Variants in EPHB2 observed in about 807,000 individuals in gnomAD.
The protein encoded by EPHB2 is ephrin type-B receptor 2.
EPHB2 carries 18 observed loss-of-function variants against 96.4 expected under a neutral mutation model. The observed-to-expected ratio is 0.19, with a 90% CI of 0.13 to 0.28. The LOEUF is 0.28. EPHB2 is among the 10% of genes least tolerant of loss of function. The pLI is 1.00. For missense variants in EPHB2, 989 were observed against 1,355.4 expected (o/e 0.73, Z 4.25); for synonymous variants, 506 against 534.1 (o/e 0.95, Z 0.72).
Position 22,913,352 on chromosome 1 carries a change from G to A in EPHB2, c.2853-110G>A, listed in dbSNP as rs144010015. On this transcript the variant is annotated intron_variant, in intron 15 of 15. Coordinates refer to ENST00000374630, the MANE Select transcript of EPHB2 (RefSeq NM_017449.5). This position sits in a 1 kb window ranked among gnomAD's most constrained non-coding sequence, Gnocchi z 4.1. The stretch of plus-strand genomic sequence containing the variant: ...CCCACTCCCCACTCCCCACTCCCCA[G>A]TACTCCTTGCTTTGCCATCTTCCTC... The A allele has an allele frequency of 1.7e-3, 2,478 of 1,422,674 alleles. 13 individuals carry two copies. The African/African-American group carries it at 0.022, about 13-fold the overall frequency. The allele number at this position is 1,422,674 out of a possible 1,614,324, so 88.1% of individuals were successfully genotyped here.
At chr1:22,737,907 T>C (rs1412129144) in intron 1 of EPHB2, among the ~76,000 whole-genome samples, 12 of 152,202 alleles carry the variant, frequency 7.9e-5, no homozygotes, top group Admixed American at 7.9e-4. Context: ...ATTATCATGA[T>C]GCACAGGCTG....
Position 22,913,891 on chromosome 1 carries a change from T to C in EPHB2, c.*321T>C, listed in dbSNP as rs1640195878. 1 of 1,575,214 alleles carries C rather than the reference T, an allele frequency of 6.3e-7. No individual in the cohort carries two copies. The highest frequency in any genetic ancestry group is 2.3e-5 in the East Asian group (1 of 44,414). On this transcript the variant is annotated 3_prime_UTR_variant, in exon 16 of 16. Transcript: ENST00000374630. This position sits in a 1 kb window ranked among gnomAD's most constrained non-coding sequence, Gnocchi z 4.1. ...GATAAAAAAGGGCTTGGGAGATTCA[T>C]GCGATGTGTCCAATCGGAGACAAAA...
At chr1:22,795,741 A>G (rs1644757647) in intron 3 of EPHB2, among the ~76,000 whole-genome samples, 1 of 152,196 alleles carries the variant, frequency 6.6e-6, no homozygotes, top group Admixed American at 6.5e-5. Flanking sequence ...TGACTTTCTC[A>G]GCGTCCCATA....
At chr1:22,761,251 G>GTGACA (rs1245227734) in intron 1 of EPHB2, among the ~76,000 whole-genome samples, 1 of 152,192 alleles carries the variant, frequency 6.6e-6, no homozygotes, top group Non-Finnish European at 1.5e-5. Context: ...TGTTCAAAGT[G>GTGACA]TGACAGATTA....
chr1:22,896,426 G>A lies in EPHB2; in HGVS notation c.1713G>A (p.Glu571=), dbSNP rs1182854805. 3 of 1,614,174 alleles carry A rather than the reference G, an allele frequency of 1.9e-6. No individual in the cohort carries two copies. The highest frequency in any genetic ancestry group is 1.1e-5 in the South Asian group (1 of 91,086). The change falls in exon 9 of 16, where the codon GAG becomes GAA. Residue 571 remains glutamate (E), a synonymous_variant. Transcript: ENST00000374630. ...CTTGTTCCAGAAGACGGGGGTTTGA[G>A]CGTGCTGACTCGGAGTACACGGACA... ...IAIVCNRRGF[E]RADSEYTDKL... is the part of the protein sequence containing the mutation.
intron 1 of EPHB2, 84 bp from the exon 2 acceptor site, chr1:22,781,333 AAAAG>A (rs1263784485): frequency 5.9e-5 from 77 of 1,312,036 alleles, no homozygotes; most frequent in African/African-American, 3.3e-4. Flanking sequence ...AAAAAAAAAA[AAAAG>A]AAGAAGAAGG....
Position 22,913,720 on chromosome 1 carries a change from C to G in EPHB2, c.*150C>G. On this transcript the variant is annotated 3_prime_UTR_variant, in exon 16 of 16. Coordinates refer to ENST00000374630, the MANE Select transcript of EPHB2 (RefSeq NM_017449.5). This position sits in a 1 kb window ranked among gnomAD's most constrained non-coding sequence, Gnocchi z 4.1. Reference sequence around the variant, plus strand: ...GAACCAAGCGGTGCCAGCCACGAGACGTCACCAAGAAAACATGCAACTCAA... The same window carrying G: ...GAACCAAGCGGTGCCAGCCACGAGAGGTCACCAAGAAAACATGCAACTCAA... 1 of 1,601,518 alleles carries G rather than the reference C, an allele frequency of 6.2e-7. No individual in the cohort carries two copies. The highest frequency in any genetic ancestry group is 1.3e-5 in the African/African-American group (1 of 74,438).
chr1:22,725,364 T>C (rs1217383539), intron 1 of EPHB2, among the ~76,000 whole-genome samples: 1 of 151,082 alleles, frequency 6.6e-6, no homozygotes, highest in African/African-American at 2.4e-5. Context: ...GATGGAGAGG[T>C]AGATAGATAG....
intron 9 of EPHB2, among the ~76,000 whole-genome samples, chr1:22,904,138 A>G (rs1366568279): frequency 6.6e-6 from 1 of 152,150 alleles, no homozygotes; most frequent in Non-Finnish European, 1.5e-5. Context: ...TGAAAAATAC[A>G]AAAAATAAGC....
intron 1 of EPHB2, among the ~76,000 whole-genome samples, chr1:22,747,799 G>A (rs1032396209): frequency 3.3e-5 from 5 of 152,360 alleles, no homozygotes; most frequent in African/African-American, 9.6e-5. Flanking sequence ...GCTGTAGAGC[G>A]GAGCCGGTCT....
At chr1:22,817,148 C>T (rs906945625) in intron 3 of EPHB2, among the ~76,000 whole-genome samples, 4 of 152,192 alleles carry the variant, frequency 2.6e-5, no homozygotes, top group African/African-American at 9.7e-5. Context: ...TATAACCAGG[C>T]CTGCTCCCTC....
intron 3 of EPHB2, among the ~76,000 whole-genome samples, chr1:22,820,680 GA>G (rs987364172): frequency 6.6e-6 from 1 of 151,762 alleles, no homozygotes; most frequent in Non-Finnish European, 1.5e-5. Context: ...TCAAAAAAAA[GA>G]AAAAAAATTA....
rs879837677 is a variant in EPHB2, at chr1:22,825,881, G to T, written c.812-37156G>T. Among the ~76,000 whole-genome samples, 5 of 152,344 alleles carry T rather than the reference G, an allele frequency of 3.3e-5. 1 individual carries two copies. The highest frequency in any genetic ancestry group is 4.1e-4 in the South Asian group (2 of 4,830). On this transcript the variant is annotated intron_variant, in intron 3 of 15. Transcript: ENST00000374630. ...AGAGTTAGACAAATGAGGATCGTCT[G>T]GGGGGATGCTGGCTGGTGTCTGAGG...
chr1:22,892,279 C>T (rs543463662), intron 6 of EPHB2, among the ~76,000 whole-genome samples: 7 of 152,290 alleles, frequency 4.6e-5, no homozygotes, highest in South Asian at 2.1e-4. Context: ...CTTCTCCCTT[C>T]GGTCTCCAAG....
chr1:22,796,981 G>A (rs1003736811), intron 3 of EPHB2, among the ~76,000 whole-genome samples: 4 of 152,166 alleles, frequency 2.6e-5, no homozygotes, highest in East Asian at 1.9e-4. Context: ...TGGAATATTC[G>A]CAGTGTCTCA....
intron 1 of EPHB2, among the ~76,000 whole-genome samples, chr1:22,763,060 TCCACACAGCTAGGC>T (rs1418010920): frequency 6.6e-6 from 1 of 152,020 alleles, no homozygotes; most frequent in African/African-American, 2.4e-5. Flanking sequence ...CAGCCCTGGA[TCCACACAGCTAGGC>T]CCACGCAGGG....
rs545594156 is a variant in EPHB2, at chr1:22,860,965, G to A, written c.812-2072G>A. Reference sequence around the variant, plus strand: ...GGACGACTCAGGGGACCCAGACCCAGTGCAGTAATCCTCATGATTACTTTA... The same window carrying A: ...GGACGACTCAGGGGACCCAGACCCAATGCAGTAATCCTCATGATTACTTTA... On this transcript the variant is annotated intron_variant, in intron 3 of 15. Transcript: ENST00000374630. The surrounding 1 kb of genome is among the most constrained non-coding windows in gnomAD (Gnocchi z 4.6). Among the ~76,000 whole-genome samples, 1 of 152,306 alleles carries A rather than the reference G, an allele frequency of 6.6e-6. No individual in the cohort carries two copies. Among genetic ancestry groups the A allele is most frequent in the African/African-American group, 2.4e-5 (1 of 41,574 alleles).
At chr1:22,728,191 C>G (rs1184167901) in intron 1 of EPHB2, among the ~76,000 whole-genome samples, 1 of 152,136 alleles carries the variant, frequency 6.6e-6, no homozygotes, top group Non-Finnish European at 1.5e-5. Flanking sequence ...CTCAGCATGG[C>G]ACCTAGGACT....
chr1:22,903,104 G>A (rs1639802046), intron 9 of EPHB2, among the ~76,000 whole-genome samples: 1 of 152,236 alleles, frequency 6.6e-6, no homozygotes, highest in African/African-American at 2.4e-5. Context: ...GCCAGGCAGG[G>A]GCATGCAGCT....
Sources: allele counts gnomAD v4.1 joint callset (sites outside exome capture counted in the v4.1 genomes callset), GRCh38; gene constraint gnomAD v4.1.1; non-coding constraint Gnocchi (gnomAD v3.1); transcripts MANE v1.5; gene names NCBI Gene and HGNC (gene_info 2026-07-23, HGNC 2026-07-21).